The following ARHGAP42 variants were observed in gnomAD, a reference collection of about 807,000 sequenced individuals.
ARHGAP42 encodes the protein Rho GTPase activating protein 42.
A neutral mutation model predicts 125.0 loss-of-function variants in ARHGAP42; 63 were observed. The observed-to-expected ratio is 0.50, with a 90% confidence interval of 0.41 to 0.62. The LOEUF is 0.62. ARHGAP42 is among the 20% of genes least tolerant of loss of function. The pLI is 0.00. For missense variants in ARHGAP42, 766 were observed against 1,024.2 expected (o/e 0.75, Z 3.44); for synonymous variants, 339 against 351.0 (o/e 0.97, Z 0.38).
chr11:100,912,583 A>G (rs1338242205), intron 4 of ARHGAP42, among the ~76,000 whole-genome samples: 2 of 152,186 alleles, frequency 1.3e-5, no homozygotes, highest in Non-Finnish European at 2.9e-5. Context: ...TATTTGTTTC[A>G]TATGGACTTA....
intron 1 of ARHGAP42, among the ~76,000 whole-genome samples, chr11:100,769,307 T>A (rs989937018): frequency 2.6e-5 from 4 of 152,166 alleles, no homozygotes; most frequent in Non-Finnish European, 4.4e-5. Flanking sequence ...AGCAAGTAAG[T>A]GGTGGGGCTT....
chr11:100,904,404 G>A (rs567055293), intron 4 of ARHGAP42, among the ~76,000 whole-genome samples: 65 of 151,952 alleles, frequency 4.3e-4, no homozygotes, highest in South Asian at 8.3e-4. Context: ...ATGCTACCAC[G>A]CCCAGCTAAT....
chr11:100,960,306 C>A (rs1481820693), intron 13 of ARHGAP42, among the ~76,000 whole-genome samples: 18 of 150,742 alleles, frequency 1.2e-4, no homozygotes, highest in Non-Finnish European at 3.0e-5. Context: ...TCCTTATAGT[C>A]TTTCTTTTAC....
chr11:100,838,051 C>A (rs1382409469), intron 3 of ARHGAP42, among the ~76,000 whole-genome samples: 4 of 151,560 alleles, frequency 2.6e-5, no homozygotes, highest in Admixed American at 6.6e-5. Flanking sequence ...CTGCCTGCCT[C>A]AGTTCCTGAG....
intron 3 of ARHGAP42, among the ~76,000 whole-genome samples, chr11:100,851,688 T>C (rs566102796): frequency 6.6e-6 from 1 of 152,064 alleles, no homozygotes; most frequent in Admixed American, 6.5e-5. Context: ...AGGCATTCCA[T>C]GTATACAATG....
At chr11:100,747,712 G>A (rs925930308) in intron 1 of ARHGAP42, among the ~76,000 whole-genome samples, 2 of 152,078 alleles carry the variant, frequency 1.3e-5, no homozygotes, top group African/African-American at 4.8e-5. Flanking sequence ...TTTACCAAAA[G>A]TGTATTTTAC....
At chr11:100,937,132 T>C (rs1400462221) in intron 8 of ARHGAP42, among the ~76,000 whole-genome samples, 1 of 152,212 alleles carries the variant, frequency 6.6e-6, no homozygotes, top group Non-Finnish European at 1.5e-5. Context: ...ACAAATTTGA[T>C]TTGATCCAGC....
intron 2 of ARHGAP42, among the ~76,000 whole-genome samples, chr11:100,784,121 A>T (rs1863377910): frequency 6.6e-6 from 1 of 152,176 alleles, no homozygotes; most frequent in African/African-American, 2.4e-5. Context: ...GTTAGGTATG[A>T]TGCAGACAGA....
At chr11:100,935,677 C>CAGAGAG (rs71053162) in intron 7 of ARHGAP42, among the ~76,000 whole-genome samples, 62 of 146,704 alleles carry the variant, frequency 4.2e-4, no homozygotes, top group Non-Finnish European at 4.9e-4. Flanking sequence ...CACACACACA[C>CAGAGAG]AGAGAGAGAG....
intron 1 of ARHGAP42, among the ~76,000 whole-genome samples, chr11:100,746,277 G>A (rs11224427): frequency 1.3e-5 from 2 of 152,142 alleles, no homozygotes; most frequent in Admixed American, 6.5e-5. Flanking sequence ...GCTTAGTGTT[G>A]GGAAATGGAA....
chr11:100,862,820 C>T lies in ARHGAP42; in HGVS notation c.384+3195C>T, dbSNP rs528452303. ...CTGAGGCAGGTGGATCACCTGAGTT[C>T]GGGAGTTCGAGACCAGCCTTCTGAC... On this transcript the variant is annotated intron_variant, in intron 4 of 23. Transcript: ENST00000298815. Among the ~76,000 whole-genome samples the T allele has an allele frequency of 3.3e-5, 5 of 151,944 alleles. No individual in the cohort carries two copies. In the South Asian group the frequency reaches 1.0e-3, roughly 32 times the overall value.
intron 1 of ARHGAP42, among the ~76,000 whole-genome samples, chr11:100,692,546 T>C (rs2120170555): frequency 6.6e-6 from 1 of 152,334 alleles, no homozygotes; most frequent in South Asian, 2.1e-4. Context: ...CTTCTTGCCC[T>C]GATGAAGGCC....
chr11:100,743,539 T>C (rs1862233316), intron 1 of ARHGAP42, among the ~76,000 whole-genome samples: 1 of 152,206 alleles, frequency 6.6e-6, no homozygotes, highest in African/African-American at 2.4e-5. Context: ...AATGACTATA[T>C]GCCTTGGTGA....
At chr11:100,875,541 G>T (rs1865800615) in intron 4 of ARHGAP42, among the ~76,000 whole-genome samples, 1 of 152,192 alleles carries the variant, frequency 6.6e-6, no homozygotes, top group African/African-American at 2.4e-5. Context: ...GGGAGGGTTT[G>T]CAGTGAGGCA....
intron 17 of ARHGAP42, among the ~76,000 whole-genome samples, chr11:100,968,984 G>T (rs1858170016): frequency 1.3e-5 from 2 of 151,966 alleles, no homozygotes; most frequent in South Asian, 4.1e-4. Flanking sequence ...TTGAATTACA[G>T]TCTAAGGTCA....
chr11:100,839,491 A>G (rs907166080), intron 3 of ARHGAP42: 3 of 152,218 alleles, frequency 2.0e-5, no homozygotes, highest in Non-Finnish European at 4.4e-5. Context: ...AAGGAGTAAC[A>G]TGAGGATATG....
At chr11:100,779,552 A>G (rs34258337) in intron 2 of ARHGAP42, among the ~76,000 whole-genome samples, 8,174 of 81,382 alleles carry the variant, frequency 0.1, 560 homozygotes, top group East Asian at 0.13. Context: ...ATATATATAC[A>G]TATACATACG....
intron 1 of ARHGAP42, among the ~76,000 whole-genome samples, chr11:100,719,885 A>G (rs1861731099): frequency 6.6e-6 from 1 of 152,160 alleles, no homozygotes; most frequent in Non-Finnish European, 1.5e-5. Context: ...CAGCAAGGCT[A>G]TTTACTACTT....
At chr11:100,706,922 C>A (rs766688148) in intron 1 of ARHGAP42, among the ~76,000 whole-genome samples, 6 of 152,148 alleles carry the variant, frequency 3.9e-5, no homozygotes, top group Non-Finnish European at 8.8e-5. Context: ...TCTTCCCTAG[C>A]CCCTGGAAAC....
Sources: gnomAD v4.1 joint callset for allele counts (sites outside exome capture counted in the v4.1 genomes callset) on GRCh38, gnomAD v4.1.1 for gene constraint, MANE v1.5 for transcripts, NCBI Gene and HGNC (gene_info 2026-07-23, HGNC 2026-07-21) for gene names.